TBC1D14: variants seen among roughly 807,000 people sequenced by gnomAD.
TBC1D14 encodes TBC1 domain family member 14.
In TBC1D14, 26 loss-of-function variants were observed where a neutral mutation model predicts 79.0. The observed-to-expected ratio is 0.33, with a 90% CI of 0.24 to 0.46. The LOEUF is 0.46. Ranked by LOEUF, TBC1D14 falls within the 20% of genes least tolerant of loss-of-function variation. The pLI, the probability that TBC1D14 is intolerant of heterozygous loss-of-function variation, is 1.00. For synonymous variants in TBC1D14, 394 were observed against 349.9 expected (o/e 1.13, Z -1.40); for missense variants, 769 against 887.6 (o/e 0.87, Z 1.70).
rs760652302 is a variant in TBC1D14 at position 7,009,894 on chromosome 4, C to T, written c.1464C>T (p.Asp488=). The change falls in exon 10 of 14, where the codon GAC becomes GAT. Residue 488 remains aspartate (D), a synonymous_variant. Transcript: ENST00000409757. The stretch of plus-strand genomic sequence containing the variant: ...CCTTTTAGGGTGGTCCATATCATGA[C>T]ATGTTGCACAGTATTTTGGGCGCTT... The part of the protein sequence containing the change: ...CIFQQGGPYH[D]MLHSILGAYT... The T allele has an allele frequency of 5.0e-6, 8 of 1,614,034 alleles. No homozygotes were observed. Among genetic ancestry groups the T allele is most frequent in the Non-Finnish European group, 6.8e-6 (8 of 1,180,032 alleles).
intron 5 of TBC1D14, 53 bp from the exon 6 acceptor site, chr4:6,999,032 A>C: frequency 6.4e-7 from 1 of 1,571,766 alleles, no homozygotes; most frequent in Non-Finnish European, 8.7e-7. Context: ...CCTTGCCTGG[A>C]AATGGTCCAT....
At chr4:6,922,936 C>G (rs553247312) in intron 1 of TBC1D14, among the ~76,000 whole-genome samples, 10 of 152,346 alleles carry the variant, frequency 6.6e-5, no homozygotes, top group African/African-American at 2.2e-4. Flanking sequence ...CGTGGTGGCT[C>G]ATGCCCAAAA....
chr4:6,990,525 A>G (rs1718381197), intron 3 of TBC1D14, among the ~76,000 whole-genome samples: 1 of 152,188 alleles, frequency 6.6e-6, no homozygotes, highest in Non-Finnish European at 1.5e-5. Flanking sequence ...TTTACCTGTT[A>G]GTCTGCAGGG....
Position 7,025,389 on chromosome 4 carries a change from AG to A in TBC1D14, c.2016+133del, listed in dbSNP as rs978217740. ...TGATGGAGTCCCTGGGCTGGAACTG[AG>A]GGGGGCCGGGTGGAGACGTGGCTGT... On this transcript the variant is annotated intron_variant, in intron 13 of 13. Coordinates refer to ENST00000409757, the MANE Select transcript of TBC1D14 (RefSeq NM_020773.3). 13 of 1,442,810 alleles carry A rather than the reference AG, an allele frequency of 9.0e-6. No homozygotes were observed. In the African/African-American group the frequency reaches 1.6e-4, roughly 17 times the overall value. 89.4% of individuals were successfully genotyped at this position (1,442,810 alleles called of 1,614,324 possible).
intron 6 of TBC1D14, among the ~76,000 whole-genome samples, chr4:6,999,973 G>A (rs1054249062): frequency 6.6e-6 from 1 of 152,210 alleles, no homozygotes; most frequent in African/African-American, 2.4e-5. Context: ...TCCCAAGGCT[G>A]CGCACAGAGG....
chr4:6,947,006 G>C (rs142297116), intron 2 of TBC1D14, among the ~76,000 whole-genome samples: 2 of 152,048 alleles, frequency 1.3e-5, no homozygotes, highest in African/African-American at 2.4e-5. Flanking sequence ...ATTTTTCTTA[G>C]TACTGTTTTG....
intron 3 of TBC1D14, among the ~76,000 whole-genome samples, chr4:6,982,969 C>A (rs898664732): frequency 2.0e-5 from 3 of 152,152 alleles, no homozygotes; most frequent in African/African-American, 4.8e-5. Context: ...GACCTACTTT[C>A]CACTGTATAC....
At chr4:6,990,294 CA>C (rs1718355451) in intron 3 of TBC1D14, among the ~76,000 whole-genome samples, 1 of 152,098 alleles carries the variant, frequency 6.6e-6, no homozygotes, top group South Asian at 2.1e-4. Context: ...ACTAAAAATA[CA>C]AAAATTAGCT....
intron 2 of TBC1D14, among the ~76,000 whole-genome samples, chr4:6,952,928 A>G (rs1714182116): frequency 6.6e-6 from 1 of 150,988 alleles, no homozygotes; most frequent in Admixed American, 6.6e-5. Flanking sequence ...GCTCACTGCA[A>G]TCTCTGCCTC....
chr4:7,032,260 G>C lies in TBC1D14; in HGVS notation c.*1868G>C, dbSNP rs1429398588. 6.5e-6 allele frequency: 1 copy of C among 152,774 alleles called. No individual in the cohort carries two copies. Among genetic ancestry groups the C allele is most frequent in the Non-Finnish European group, 1.5e-5 (1 of 68,120 alleles). 9.5% of individuals were successfully genotyped at this position (152,774 alleles called of 1,614,324 possible). On this transcript the variant is annotated 3_prime_UTR_variant, in exon 14 of 14. Coordinates refer to ENST00000409757, the MANE Select transcript of TBC1D14 (RefSeq NM_020773.3). ...CTGTGGGAGGGGCCGCCTGAGGCCTGTGCGCTGTTGTCCTCGCAGATGTAC... is the reference window on the plus strand; with the variant it reads ...CTGTGGGAGGGGCCGCCTGAGGCCTCTGCGCTGTTGTCCTCGCAGATGTAC...
chr4:6,990,505 G>T (rs1270424135), intron 3 of TBC1D14, among the ~76,000 whole-genome samples: 3 of 152,138 alleles, frequency 2.0e-5, no homozygotes, highest in African/African-American at 7.2e-5. Context: ...CACTTAAGTG[G>T]GCAGTTTATT....
At chr4:7,028,469 C>T (rs1019654007) in intron 13 of TBC1D14, among the ~76,000 whole-genome samples, 2 of 151,856 alleles carry the variant, frequency 1.3e-5, no homozygotes, top group Non-Finnish European at 2.9e-5. Context: ...CCCTGTTGCC[C>T]AGGCTGGAGT....
intron 1 of TBC1D14, among the ~76,000 whole-genome samples, chr4:6,912,953 C>T (rs1560235338): frequency 6.6e-6 from 1 of 152,188 alleles, no homozygotes; most frequent in Non-Finnish European, 1.5e-5. Context: ...TATTTTTTCC[C>T]TCCTGTTGAT....
chr4:6,985,737 A>C (rs1195411809), intron 3 of TBC1D14, among the ~76,000 whole-genome samples: 2 of 152,162 alleles, frequency 1.3e-5, no homozygotes, highest in African/African-American at 4.8e-5. Context: ...CAGCCATGCT[A>C]AAAGTGCCCA....
chr4:6,999,047 G>C, intron 5 of TBC1D14, 38 bp from the exon 6 acceptor site: 1 of 1,598,586 alleles, frequency 6.3e-7, no homozygotes, highest in East Asian at 2.2e-5. Context: ...GTCCATATCA[G>C]TTAGTAGATT....
At chr4:6,943,347 CCTT>C (rs1382978977) in intron 2 of TBC1D14, among the ~76,000 whole-genome samples, 2 of 152,238 alleles carry the variant, frequency 1.3e-5, no homozygotes, top group African/African-American at 4.8e-5. Context: ...TGCCCCTCTC[CCTT>C]CTTCTTGAGA....
At chr4:6,929,419 T>C (rs1355587125) in intron 2 of TBC1D14, among the ~76,000 whole-genome samples, 1 of 152,050 alleles carries the variant, frequency 6.6e-6, no homozygotes. Context: ...TGGAGAGAGA[T>C]GTGAACAAAG....
chr4:7,027,452 G>A (rs1001288379), intron 13 of TBC1D14, among the ~76,000 whole-genome samples: 4 of 101,556 alleles, frequency 3.9e-5, no homozygotes, highest in Admixed American at 1.5e-4. Context: ...ACATAGACAC[G>A]CACAGATCAC....
chr4:6,974,985 C>T (rs1483760443), intron 3 of TBC1D14, among the ~76,000 whole-genome samples: 1 of 151,374 alleles, frequency 6.6e-6, no homozygotes, highest in Non-Finnish European at 1.5e-5. Context: ...GATCTCAGCT[C>T]ACTGCAACCT....
Sources: gnomAD v4.1 joint callset for allele counts (sites outside exome capture counted in the v4.1 genomes callset) on GRCh38, gnomAD v4.1.1 for gene constraint, MANE v1.5 for transcripts, NCBI Gene and HGNC (gene_info 2026-07-23, HGNC 2026-07-21) for gene names.